Variants in PPFIA2 observed in about 807,000 individuals in gnomAD.
The protein encoded by PPFIA2 is PPFI scaffold protein A2.
Under a neutral mutation model 175.5 loss-of-function variants are expected in PPFIA2, and 46 were observed. The observed-to-expected ratio is 0.26, with a 90% CI of 0.21 to 0.34. The LOEUF is 0.34. PPFIA2 is among the 10% of genes least tolerant of loss of function. PPFIA2 has a pLI of 1.00. For synonymous variants in PPFIA2, 568 were observed against 511.4 expected (o/e 1.11, Z -1.49); for missense variants, 1,179 against 1,506.1 (o/e 0.78, Z 3.60).
intron 4 of PPFIA2, among the ~76,000 whole-genome samples, chr12:81,653,330 C>T (rs1027761885): frequency 1.2e-4 from 19 of 152,246 alleles, no homozygotes; most frequent in Admixed American, 8.5e-4. Context: ...CTTTAGCTCA[C>T]TACATTTCTG....
At chr12:81,569,632 C>A (rs1245351850) in intron 4 of PPFIA2, among the ~76,000 whole-genome samples, 1 of 151,876 alleles carries the variant, frequency 6.6e-6, no homozygotes, top group Non-Finnish European at 1.5e-5. Context: ...AAATTTAACA[C>A]CAAATAATAA....
At chr12:81,392,771 G>T (rs1379372961) in intron 8 of PPFIA2, among the ~76,000 whole-genome samples, 1 of 151,890 alleles carries the variant, frequency 6.6e-6, no homozygotes, top group South Asian at 2.1e-4. Flanking sequence ...TGTTCAGAAC[G>T]TGCTTCTCCC....
In PPFIA2 at chr12:81,353,128, T is replaced by C. The variant is rs1301065757; in HGVS notation, c.1985A>G (p.Lys662Arg). 1 of 1,613,622 alleles carries C rather than the reference T, an allele frequency of 6.2e-7. No homozygotes were observed. Among genetic ancestry groups the C allele is most frequent in the Non-Finnish European group, 8.5e-7 (1 of 1,179,734 alleles). ...MLQEQLDAIN[K>R]EIRLIQEEKE... ...TACTAATTGAAGTTACCTGATTTCT[T>C]TGTTGATGGCATCCAATTGTTCCTG... Residue 662 changes from lysine to arginine, a missense_variant, in exon 17 of 33, where the codon AAA becomes AGA. This residue lies in a region of PPFIA2 where 11 missense variants were observed against 31.9 expected (regional missense o/e 0.35). Transcript: ENST00000549396.
At chr12:81,271,858 A>G (rs1344781339) in intron 28 of PPFIA2, among the ~76,000 whole-genome samples, 2 of 151,542 alleles carry the variant, frequency 1.3e-5, no homozygotes, top group African/African-American at 2.4e-5. Flanking sequence ...GCATTTTTTT[A>G]TTATCTTTAT....
At chr12:81,411,435 G>A (rs909765988) in intron 7 of PPFIA2, among the ~76,000 whole-genome samples, 1 of 151,460 alleles carries the variant, frequency 6.6e-6, no homozygotes, top group South Asian at 2.1e-4. Flanking sequence ...TCTCAAACAC[G>A]TTATATTTTC....
chr12:81,563,272 T>C (rs1594982053), intron 4 of PPFIA2, among the ~76,000 whole-genome samples: 1 of 152,324 alleles, frequency 6.6e-6, no homozygotes, highest in Admixed American at 6.5e-5. Context: ...ATCCTGAGCC[T>C]GAACTTCAAA....
Position 81,325,796 on chromosome 12 carries a change from C to T in PPFIA2, c.2623G>A (p.Asp875Asn), listed in dbSNP as rs776956017. The change falls in exon 22 of 33, where the codon GAT (aspartate) becomes AAT (asparagine). Residue 875 changes from aspartate to asparagine, a missense_variant. Coordinates refer to ENST00000549396, the MANE Select transcript of PPFIA2 (RefSeq NM_003625.5). ...LGKLGTQAEK[D>N]RRLKKKHELL... The stretch of plus-strand genomic sequence containing the variant: ...ACCTACTTTTTCTTTAGTCTTCGAT[C>T]CTTCTCAGCTTGAGTTCCGAGTTTG... 18 of 1,612,342 alleles carry T rather than the reference C, an allele frequency of 1.1e-5. No homozygotes were observed. In the East Asian group the frequency reaches 4.0e-4, roughly 36 times the overall value.
chr12:81,493,415 A>G lies in PPFIA2; in HGVS notation c.304-35549T>C, dbSNP rs146782648. On this transcript the variant is annotated intron_variant, in intron 4 of 32. Coordinates refer to ENST00000549396, the MANE Select transcript of PPFIA2 (RefSeq NM_003625.5). ...AATGAAAGATACTGAGAGAGTGGCT[A>G]TTACAGGGATGGGAAACACCAGAGA... is the stretch of plus-strand genomic sequence containing the variant. 8.2e-3 allele frequency among the ~76,000 whole-genome samples: 1,250 copies of G among 152,028 alleles called. 21 individuals carry two copies. The highest frequency in any genetic ancestry group is 0.028 in the African/African-American group (1,177 of 41,458).
At chr12:81,476,700 A>G (rs995931336) in intron 4 of PPFIA2, among the ~76,000 whole-genome samples, 1 of 152,164 alleles carries the variant, frequency 6.6e-6, no homozygotes, top group African/African-American at 2.4e-5. Flanking sequence ...CCAGCAATCC[A>G]ATTACTGGGT....
chr12:81,502,356 T>C (rs912151050), intron 4 of PPFIA2, among the ~76,000 whole-genome samples: 1 of 152,198 alleles, frequency 6.6e-6, no homozygotes, highest in Admixed American at 6.5e-5. Flanking sequence ...ATTTGTGCAA[T>C]GTAGAATCAG....
intron 3 of PPFIA2, among the ~76,000 whole-genome samples, chr12:81,707,112 A>C (rs904137800): frequency 3.3e-5 from 5 of 152,180 alleles, no homozygotes; most frequent in African/African-American, 9.7e-5. Context: ...TAGGCACGGG[A>C]AAGGACTTCA....
intron 11 of PPFIA2, among the ~76,000 whole-genome samples, chr12:81,374,181 C>A (rs2141662457): frequency 1.3e-5 from 2 of 152,112 alleles, no homozygotes; most frequent in East Asian, 3.9e-4. Flanking sequence ...TTGTTTTAGA[C>A]CTCAGACTTT....
chr12:81,314,889 A>G (rs1213758285), intron 22 of PPFIA2, among the ~76,000 whole-genome samples: 1 of 151,842 alleles, frequency 6.6e-6, no homozygotes, highest in Non-Finnish European at 1.5e-5. Context: ...TAATAGGTGA[A>G]AGTTGAGAAT....
At chr12:81,546,468 T>G (rs2067011743) in intron 4 of PPFIA2, 1 of 152,178 alleles carries the variant, frequency 6.6e-6, no homozygotes, top group South Asian at 2.1e-4. Flanking sequence ...GAAAGTCACT[T>G]CTACACTGTT....
intron 4 of PPFIA2, among the ~76,000 whole-genome samples, chr12:81,641,677 T>C (rs2064991896): frequency 6.6e-6 from 1 of 152,134 alleles, no homozygotes; most frequent in Non-Finnish European, 1.5e-5. Flanking sequence ...ATCTGACAAC[T>C]GACCACAGTC....
intron 22 of PPFIA2, among the ~76,000 whole-genome samples, chr12:81,320,106 T>G (rs1266799172): frequency 2.0e-5 from 3 of 152,078 alleles, no homozygotes; most frequent in Non-Finnish European, 4.4e-5. Flanking sequence ...GAAAGAATAT[T>G]GTGGAGTTTC....
At chr12:81,616,992 G>A (rs945945118) in intron 4 of PPFIA2, among the ~76,000 whole-genome samples, 1 of 152,140 alleles carries the variant, frequency 6.6e-6, no homozygotes, top group Non-Finnish European at 1.5e-5. Flanking sequence ...GTGTCAAAGA[G>A]ATTCAAATTC....
chr12:81,320,399 G>A (rs567528539), intron 22 of PPFIA2, among the ~76,000 whole-genome samples: 1 of 152,164 alleles, frequency 6.6e-6, no homozygotes, highest in Non-Finnish European at 1.5e-5. Context: ...GGATGCTGCT[G>A]ATAGCTGAGT....
In PPFIA2 at chr12:81,420,116, C is replaced by T. The variant is rs564258558; in HGVS notation, c.646-14213G>A. On this transcript the variant is annotated intron_variant, in intron 7 of 32. Transcript: ENST00000549396. ...CCCACTCCTGGAGCTGGAACAGCCACTGTGTCCTTCAGAGAAGAAGCTACC... is the reference window on the plus strand; with the variant it reads ...CCCACTCCTGGAGCTGGAACAGCCATTGTGTCCTTCAGAGAAGAAGCTACC... 7.2e-5 allele frequency among the ~76,000 whole-genome samples: 11 copies of T among 152,276 alleles called. No homozygotes were observed. The South Asian group carries it at 1.7e-3, about 23-fold the overall frequency.
Sources: allele counts gnomAD v4.1 joint callset (sites outside exome capture counted in the v4.1 genomes callset), GRCh38; gene constraint gnomAD v4.1.1; regional missense constraint gnomAD v4.1.1; transcripts MANE v1.5; gene names NCBI Gene and HGNC (gene_info 2026-07-23, HGNC 2026-07-21).